The following STX16 variants were observed in gnomAD, a reference collection of about 807,000 sequenced individuals.
STX16 encodes the protein syntaxin-16.
In STX16, 28 loss-of-function variants were observed where a neutral mutation model predicts 42.7. That is an observed-to-expected ratio of 0.66 (90% CI 0.49 to 0.90). The LOEUF is 0.90. STX16 is among the 40% of genes least tolerant of loss of function. The pLI, the probability that STX16 is intolerant of heterozygous loss-of-function variation, is 0.00. For synonymous variants in STX16, 156 were observed against 155.2 expected, an observed-to-expected ratio of 1.00 and a Z score of -0.04; for missense variants, 361 against 420.9, an observed-to-expected ratio of 0.86 and a Z score of 1.24.
chr20:58,653,424 G>A (rs1243575262), intron 1 of STX16, among the ~76,000 whole-genome samples: 1 of 152,184 alleles, frequency 6.6e-6, no homozygotes, highest in Non-Finnish European at 1.5e-5. Flanking sequence ...AGCGGTTTCA[G>A]GAATAAAAGC....
intron 8 of STX16, among the ~76,000 whole-genome samples, chr20:58,675,777 C>G (rs910900119): frequency 4.6e-5 from 7 of 152,214 alleles, no homozygotes; most frequent in Admixed American, 1.3e-4. Flanking sequence ...TTGTTTCCTT[C>G]CGCGGTGAAG....
chr20:58,658,183 C>T (rs1157686798), intron 1 of STX16, among the ~76,000 whole-genome samples: 2 of 152,068 alleles, frequency 1.3e-5, no homozygotes, highest in South Asian at 2.1e-4. Flanking sequence ...AATAGTACAT[C>T]GTTCAAAGAT....
intron 2 of STX16, among the ~76,000 whole-genome samples, chr20:58,663,073 G>C (rs760990510): frequency 6.6e-6 from 1 of 152,198 alleles, no homozygotes; most frequent in South Asian, 2.1e-4. Context: ...TTGCCAGTCT[G>C]TTGATTTTCA....
At chr20:58,658,473 C>T (rs1044989967) in intron 1 of STX16, among the ~76,000 whole-genome samples, 2 of 152,130 alleles carry the variant, frequency 1.3e-5, no homozygotes, top group African/African-American at 4.8e-5. Context: ...GGATTTGCAG[C>T]TTTTCATAAT....
chr20:58,659,126 G>T (rs1023059344), intron 1 of STX16, among the ~76,000 whole-genome samples: 1 of 151,906 alleles, frequency 6.6e-6, no homozygotes, highest in Non-Finnish European at 1.5e-5. Context: ...AATTTTTGTG[G>T]GTCATTTATT....
At chr20:58,662,389 C>G (rs1040993528) in intron 2 of STX16, among the ~76,000 whole-genome samples, 43 of 152,294 alleles carry the variant, frequency 2.8e-4, no homozygotes, top group African/African-American at 9.9e-4. Context: ...GATTGCTCCC[C>G]TCCTTTTTCT....
chr20:58,675,461 C>A (rs1262608279), intron 8 of STX16, among the ~76,000 whole-genome samples: 1 of 152,208 alleles, frequency 6.6e-6, no homozygotes, highest in Admixed American at 6.5e-5. Context: ...GGCCCTTTGG[C>A]ATTTCTCTAG....
intron 5 of STX16, among the ~76,000 whole-genome samples, chr20:58,669,794 G>T (rs991660031): frequency 6.6e-6 from 1 of 152,210 alleles, no homozygotes; most frequent in African/African-American, 2.4e-5. Flanking sequence ...TGGGAGAGCT[G>T]CTCTTCAATA....
intron 1 of STX16, among the ~76,000 whole-genome samples, chr20:58,655,417 A>G (rs1424275765): frequency 6.6e-6 from 1 of 152,186 alleles, no homozygotes; most frequent in Admixed American, 6.5e-5. Flanking sequence ...GTGCGTGCAT[A>G]CAGGGTTTTG....
Position 58,676,418 on chromosome 20 carries a change from C to A in STX16, c.*127C>A. On this transcript the variant is annotated 3_prime_UTR_variant, in exon 9 of 9. Coordinates refer to ENST00000371141, the MANE Select transcript of STX16 (RefSeq NM_001001433.3). ...ATCTGAGGGCGTCGGGGCAGCGAAC[C>A]TTTGCATCCACGGACTCCTCCTTCC... is the stretch of plus-strand genomic sequence containing the variant. 1 of 788,588 alleles carries A rather than the reference C, an allele frequency of 1.3e-6. No individual in the cohort carries two copies. The highest frequency in any genetic ancestry group is 2.2e-6 in the Non-Finnish European group (1 of 462,340). 48.8% of individuals were successfully genotyped at this position (788,588 alleles called of 1,614,324 possible).
intron 8 of STX16, among the ~76,000 whole-genome samples, chr20:58,674,217 G>GA (rs1335161032): frequency 6.6e-6 from 1 of 152,154 alleles, no homozygotes; most frequent in Non-Finnish European, 1.5e-5. Flanking sequence ...TGAGAAAAGA[G>GA]AAGTTTGTTG....
Position 58,651,663 on chromosome 20 carries a change from C to A in STX16, c.-344C>A. On this transcript the variant is annotated 5_prime_UTR_variant, in exon 1 of 9. Coordinates refer to ENST00000371141, the MANE Select transcript of STX16 (RefSeq NM_001001433.3). The stretch of plus-strand genomic sequence containing the variant: ...GGCTTCAGGGCCTCCCAGTCTAGAG[C>A]CGGATTGGCGAGTTAGACGCTTGTA... 4.0e-6 allele frequency: 1 copy of A among 251,070 alleles called. No individual in the cohort carries two copies. The highest frequency in any genetic ancestry group is 8.0e-6 in the Non-Finnish European group (1 of 125,570). 15.6% of individuals were successfully genotyped at this position (251,070 alleles called of 1,614,324 possible).
chr20:58,669,521 C>G (rs2122988861), intron 5 of STX16, 68 bp downstream of exon 5: 3 of 1,525,540 alleles, frequency 2.0e-6, no homozygotes, highest in Non-Finnish European at 1.8e-6. Flanking sequence ...TCTTTTTTGC[C>G]ACTATTTTTT....
intron 1 of STX16, 28 bp downstream of exon 1, chr20:58,652,166 C>CA (rs2083472909): frequency 6.2e-7 from 1 of 1,612,302 alleles, no homozygotes; most frequent in African/African-American, 1.3e-5. Context: ...CTCTCCGACA[C>CA]ACGGACCGTG....
At chr20:58,668,353 G>A (rs2083888855) in intron 4 of STX16, among the ~76,000 whole-genome samples, 1 of 152,066 alleles carries the variant, frequency 6.6e-6, no homozygotes, top group Non-Finnish European at 1.5e-5. Context: ...TGCTGTGGAC[G>A]GATTAAGTAA....
intron 2 of STX16, among the ~76,000 whole-genome samples, chr20:58,663,640 A>ATTTTTTTTT (rs760264867): frequency 6.8e-6 from 1 of 146,800 alleles, no homozygotes. Flanking sequence ...AAAAATATGG[A>ATTTTTTTTT]TTTTTTTTTT....
intron 7 of STX16, among the ~76,000 whole-genome samples, chr20:58,672,956 T>G (rs1008293679): frequency 6.6e-6 from 1 of 152,248 alleles, no homozygotes; most frequent in Non-Finnish European, 1.5e-5. Context: ...TTACATTAAT[T>G]ACTCCAGTGG....
intron 2 of STX16, among the ~76,000 whole-genome samples, chr20:58,662,044 G>A (rs1431162561): frequency 6.6e-6 from 1 of 152,170 alleles, no homozygotes; most frequent in Non-Finnish European, 1.5e-5. Context: ...GTTCCCTGAG[G>A]AGGACCCGAG....
intron 1 of STX16, among the ~76,000 whole-genome samples, chr20:58,654,639 A>C (rs1209830372): frequency 6.6e-6 from 1 of 152,228 alleles, no homozygotes; most frequent in East Asian, 1.9e-4. Context: ...AAAAAATTTA[A>C]AGCCTTGTTT....
Sources: allele counts gnomAD v4.1 joint callset (sites outside exome capture counted in the v4.1 genomes callset), GRCh38; gene constraint gnomAD v4.1.1; transcripts MANE v1.5; gene names NCBI Gene and HGNC (gene_info 2026-07-23, HGNC 2026-07-21).